IQCM: variants seen among roughly 807,000 people sequenced by gnomAD.
IQCM encodes the protein IQ motif containing M, also known as IQ domain-containing protein M.
In IQCM, 45 loss-of-function variants were observed where a neutral mutation model predicts 57.6. That is an observed-to-expected ratio of 0.78 (90% CI 0.62 to 1.00). The LOEUF (loss-of-function observed/expected upper bound fraction) is 1.00. IQCM is among the 50% of genes least tolerant of loss of function. IQCM has a pLI of 0.00. For synonymous variants in IQCM, 148 were observed against 158.9 expected (o/e 0.93, Z 0.51); for missense variants, 468 against 511.6 (o/e 0.91, Z 0.82).
intron 12 of IQCM, among the ~76,000 whole-genome samples, chr4:149,531,251 A>G (rs552530325): frequency 3.7e-4 from 56 of 152,242 alleles, no homozygotes; most frequent in African/African-American, 1.3e-3. Context: ...CATGAGTTTT[A>G]CCTCTTAAGC....
intron 5 of IQCM, among the ~76,000 whole-genome samples, chr4:149,712,289 G>C (rs1183902931): frequency 6.6e-6 from 1 of 151,992 alleles, no homozygotes; most frequent in Non-Finnish European, 1.5e-5. Flanking sequence ...TTTTGCACCG[G>C]ACAGTGATTA....
chr4:149,762,244 A>AT (rs1769592000), intron 2 of IQCM, among the ~76,000 whole-genome samples: 1 of 151,978 alleles, frequency 6.6e-6, no homozygotes, highest in African/African-American at 2.4e-5. Context: ...AAAAAAAAAA[A>AT]GAAATGACTG....
chr4:149,594,424 T>C (rs1753552007), intron 8 of IQCM, among the ~76,000 whole-genome samples: 1 of 152,306 alleles, frequency 6.6e-6, no homozygotes, highest in African/African-American at 2.4e-5. Flanking sequence ...GATTCATTGA[T>C]TTTTTGAAGG....
At chr4:149,391,400 A>C (rs1731846056) in intron 13 of IQCM, among the ~76,000 whole-genome samples, 2 of 151,820 alleles carry the variant, frequency 1.3e-5, no homozygotes, top group Non-Finnish European at 2.9e-5. Flanking sequence ...TGTCTAACTA[A>C]AGATTGGTAG....
chr4:149,392,932 A>G (rs1731967626), intron 13 of IQCM, among the ~76,000 whole-genome samples: 1 of 152,004 alleles, frequency 6.6e-6, no homozygotes, highest in African/African-American at 2.4e-5. Context: ...GCACCTTGGG[A>G]GGCTGAGGTG....
chr4:149,654,992 T>A (rs1317824751), intron 7 of IQCM, among the ~76,000 whole-genome samples: 2 of 152,222 alleles, frequency 1.3e-5, no homozygotes, highest in African/African-American at 4.8e-5. Context: ...ACATCTTAAA[T>A]GTGACTACCA....
chr4:149,546,302 G>A (rs1296421414), intron 12 of IQCM, among the ~76,000 whole-genome samples: 1 of 152,154 alleles, frequency 6.6e-6, no homozygotes, highest in African/African-American at 2.4e-5. Flanking sequence ...CTTTATAGCA[G>A]CATGATTTAT....
intron 13 of IQCM, among the ~76,000 whole-genome samples, chr4:149,406,176 A>C (rs570206330): frequency 7.2e-5 from 11 of 152,100 alleles, no homozygotes; most frequent in South Asian, 4.1e-4. Flanking sequence ...TGTCAGGCAC[A>C]ATGTATTTAA....
chr4:149,804,520 A>G (rs1261212999), intron 2 of IQCM, among the ~76,000 whole-genome samples: 1 of 152,048 alleles, frequency 6.6e-6, no homozygotes, highest in Non-Finnish European at 1.5e-5. Context: ...GAATCTAAGA[A>G]GAGTTGTTGA....
At chr4:149,676,795 T>C (rs1045677472) in intron 7 of IQCM, among the ~76,000 whole-genome samples, 1 of 152,072 alleles carries the variant, frequency 6.6e-6, no homozygotes, top group Non-Finnish European at 1.5e-5. Context: ...CTTTTTCCTT[T>C]AATAAGAATA....
At chr4:149,741,007 A>C (rs1323564110) in intron 3 of IQCM, among the ~76,000 whole-genome samples, 2 of 152,160 alleles carry the variant, frequency 1.3e-5, no homozygotes, top group African/African-American at 4.8e-5. Flanking sequence ...CAAATACAAT[A>C]ATTTATATTA....
chr4:149,500,454 GT>G (rs984179005), intron 12 of IQCM, among the ~76,000 whole-genome samples: 8 of 152,130 alleles, frequency 5.3e-5, no homozygotes, highest in African/African-American at 1.9e-4. Flanking sequence ...TATGAAAAGA[GT>G]TCAAATATTC....
intron 5 of IQCM, among the ~76,000 whole-genome samples, chr4:149,704,073 A>T (rs531040321): frequency 6.6e-6 from 1 of 151,836 alleles, no homozygotes; most frequent in East Asian, 1.9e-4. Context: ...ACTAAAAAAA[A>T]TTTTCACCAG....
intron 12 of IQCM, among the ~76,000 whole-genome samples, chr4:149,443,745 AAAGG>A (rs1244393897): frequency 1.3e-5 from 2 of 149,706 alleles, no homozygotes; most frequent in African/African-American, 2.5e-5. Flanking sequence ...AAAGGAAAGG[AAAGG>A]AAGAAAACTG....
chr4:149,686,580 T>G, intron 5 of IQCM, 112 bp from the exon 6 acceptor site: 1 of 419,138 alleles, frequency 2.4e-6, no homozygotes, highest in Non-Finnish European at 4.0e-6. Context: ...TATAATCTTT[T>G]AAAATGTTAC....
At chr4:149,358,322 T>G (rs1362142478) in intron 13 of IQCM, among the ~76,000 whole-genome samples, 3 of 152,206 alleles carry the variant, frequency 2.0e-5, no homozygotes, top group African/African-American at 7.2e-5. Flanking sequence ...TCTCTAGTTC[T>G]TTTAATTGTG....
At chr4:149,791,169 T>C (rs927280549) in intron 2 of IQCM, among the ~76,000 whole-genome samples, 1 of 152,202 alleles carries the variant, frequency 6.6e-6, no homozygotes, top group Non-Finnish European at 1.5e-5. Context: ...GCTTCATATT[T>C]CATTAACATA....
intron 8 of IQCM, among the ~76,000 whole-genome samples, chr4:149,609,097 G>C (rs1181432938): frequency 2.0e-5 from 3 of 151,758 alleles, no homozygotes; most frequent in Admixed American, 6.6e-5. Context: ...AGGATCATTA[G>C]AGATTATAAT....
intron 5 of IQCM, among the ~76,000 whole-genome samples, chr4:149,699,659 G>C (rs1763612827): frequency 8.0e-6 from 1 of 124,476 alleles, no homozygotes; most frequent in Admixed American, 1.0e-4. Flanking sequence ...TGTGAGCAAG[G>C]AATTCTGGCA....
Sources: gnomAD v4.1 joint callset for allele counts (sites outside exome capture counted in the v4.1 genomes callset) on GRCh38, gnomAD v4.1.1 for gene constraint, MANE v1.5 for transcripts, NCBI Gene and HGNC (gene_info 2026-07-23, HGNC 2026-07-21) for gene names.